DPP10: variants seen among roughly 807,000 people sequenced by gnomAD.
DPP10 encodes the protein inactive dipeptidyl peptidase 10.
In DPP10, 33 loss-of-function variants were observed where a neutral mutation model predicts 120.9. The ratio of observed to expected loss-of-function variants is 0.27; its 90% CI spans 0.21 to 0.37. The LOEUF is 0.37. Ranked by LOEUF, DPP10 falls within the 10% of genes least tolerant of loss-of-function variation. DPP10 has a pLI of 1.00. For synonymous variants in DPP10, 337 were observed against 326.1 expected, an observed-to-expected ratio of 1.03 and a Z score of -0.36; for missense variants, 816 against 942.8, an observed-to-expected ratio of 0.87 and a Z score of 1.76.
At chr2:115,330,384 T>C (rs908344158) in intron 2 of DPP10, among the ~76,000 whole-genome samples, 2 of 151,076 alleles carry the variant, frequency 1.3e-5, no homozygotes, top group Admixed American at 1.3e-4. Context: ...TTCTGTAGGT[T>C]GCCTGTTCAC....
At chr2:115,318,889 T>C (rs956615542) in intron 2 of DPP10, among the ~76,000 whole-genome samples, 1 of 152,122 alleles carries the variant, frequency 6.6e-6, no homozygotes, top group Non-Finnish European at 1.5e-5. Flanking sequence ...CATGTCCAAA[T>C]TGACCATCTT....
At chr2:115,549,801 C>G (rs551152526) in intron 5 of DPP10, among the ~76,000 whole-genome samples, 31 of 152,276 alleles carry the variant, frequency 2.0e-4, no homozygotes, top group African/African-American at 7.2e-4. Context: ...TATGCAAGCT[C>G]TGGCTTGTCT....
chr2:115,737,913 A>G (rs1312558377), intron 8 of DPP10, among the ~76,000 whole-genome samples: 1 of 151,950 alleles, frequency 6.6e-6, no homozygotes, highest in African/African-American at 2.4e-5. Context: ...CCCTTTCTCT[A>G]CCTCTATGCA....
intron 1 of DPP10, among the ~76,000 whole-genome samples, chr2:115,282,453 C>A (rs2105882241): frequency 6.6e-6 from 1 of 152,068 alleles, no homozygotes; most frequent in East Asian, 1.9e-4. Context: ...ATTAAAAACC[C>A]ATCAAATCTT....
intron 1 of DPP10, among the ~76,000 whole-genome samples, chr2:114,562,751 A>G (rs1174099486): frequency 6.6e-6 from 1 of 152,258 alleles, no homozygotes; most frequent in Non-Finnish European, 1.5e-5. Flanking sequence ...TACTCTGTAA[A>G]AGGAATTATA....
intron 1 of DPP10, among the ~76,000 whole-genome samples, chr2:114,962,428 A>G (rs930904915): frequency 6.6e-6 from 1 of 152,210 alleles, no homozygotes; most frequent in East Asian, 1.9e-4. Context: ...GGAAAGGGAC[A>G]TGGGGTTGTA....
At chr2:114,863,640 G>T (rs935445061) in intron 1 of DPP10, among the ~76,000 whole-genome samples, 1 of 152,180 alleles carries the variant, frequency 6.6e-6, no homozygotes, top group Non-Finnish European at 1.5e-5. Flanking sequence ...GGCTTTCATG[G>T]ACTTCTTCAT....
At chr2:115,300,702 A>G (rs1159734579) in intron 1 of DPP10, among the ~76,000 whole-genome samples, 1 of 151,994 alleles carries the variant, frequency 6.6e-6, no homozygotes, top group African/African-American at 2.4e-5. Context: ...GTCATTTTAA[A>G]TACTCTCAGT....
At chr2:115,520,044 C>A (rs913367003) in intron 4 of DPP10, among the ~76,000 whole-genome samples, 1 of 152,120 alleles carries the variant, frequency 6.6e-6, no homozygotes. Context: ...GATGGCCGGG[C>A]GTCATGGCTC....
intron 1 of DPP10, among the ~76,000 whole-genome samples, chr2:115,074,485 A>G (rs1390857536): frequency 1.3e-5 from 2 of 152,220 alleles, no homozygotes; most frequent in Non-Finnish European, 2.9e-5. Context: ...GTGAAGCAGG[A>G]TGGAAATGCA....
chr2:114,706,874 A>G (rs936149733), intron 1 of DPP10, among the ~76,000 whole-genome samples: 1 of 151,492 alleles, frequency 6.6e-6, no homozygotes, highest in Non-Finnish European at 1.5e-5. Context: ...CATTCTCCCA[A>G]GGAGGGGGAT....
At chr2:114,581,947 C>T (rs970152403) in intron 1 of DPP10, among the ~76,000 whole-genome samples, 2 of 152,110 alleles carry the variant, frequency 1.3e-5, no homozygotes, top group African/African-American at 4.8e-5. Flanking sequence ...AATTGATGAA[C>T]CTGTATTGAC....
intron 1 of DPP10, among the ~76,000 whole-genome samples, chr2:115,233,050 G>T (rs1373430192): frequency 2.1e-5 from 3 of 144,598 alleles, no homozygotes; most frequent in Non-Finnish European, 1.5e-5. Context: ...TCTTAATCTT[G>T]ACTGTAGATT....
intron 10 of DPP10, among the ~76,000 whole-genome samples, chr2:115,751,946 GTGC>G (rs1174597949): frequency 1.3e-5 from 2 of 149,718 alleles, no homozygotes; most frequent in African/African-American, 4.9e-5. Flanking sequence ...TTATAGGCAT[GTGC>G]CACAACACCC....
At chr2:114,888,159 A>C (rs1305263512) in intron 1 of DPP10, among the ~76,000 whole-genome samples, 2 of 151,594 alleles carry the variant, frequency 1.3e-5, no homozygotes, top group Non-Finnish European at 1.5e-5. Flanking sequence ...AAAAAAAAAA[A>C]AGAAAAGAAA....
chr2:114,445,979 G>A (rs1677921391), intron 1 of DPP10, among the ~76,000 whole-genome samples: 1 of 152,140 alleles, frequency 6.6e-6, no homozygotes, highest in Non-Finnish European at 1.5e-5. Context: ...AGCTTTTCCT[G>A]ATGTGATTAC....
intron 5 of DPP10, among the ~76,000 whole-genome samples, chr2:115,682,161 G>A (rs950337194): frequency 4.0e-5 from 6 of 151,856 alleles, no homozygotes; most frequent in African/African-American, 9.7e-5. Context: ...AACTTATTTC[G>A]CTATAAATGA....
chr2:115,591,528 A>T (rs1190238429), intron 5 of DPP10, among the ~76,000 whole-genome samples: 1 of 152,186 alleles, frequency 6.6e-6, no homozygotes. Context: ...CTGTTTTGGT[A>T]CCAGTACCGT....
chr2:114,793,142 T>A (rs889223048), intron 1 of DPP10, among the ~76,000 whole-genome samples: 1 of 152,106 alleles, frequency 6.6e-6, no homozygotes, highest in Admixed American at 6.6e-5. Context: ...AATTTTTTTA[T>A]GTTATTTGAT....
Sources: allele counts gnomAD v4.1 joint callset (sites outside exome capture counted in the v4.1 genomes callset), GRCh38; gene constraint gnomAD v4.1.1; transcripts MANE v1.5; gene names NCBI Gene and HGNC (gene_info 2026-07-23, HGNC 2026-07-21).